The following SLC39A11 variants were observed in gnomAD, a reference collection of about 807,000 sequenced individuals.
SLC39A11 encodes the protein solute carrier family 39 member 11, also known as zinc transporter ZIP11.
SLC39A11 carries 33 observed loss-of-function variants against 36.1 expected under a neutral mutation model. The ratio of observed to expected loss-of-function variants is 0.91; its 90% CI spans 0.69 to 1.22. The LOEUF (loss-of-function observed/expected upper bound fraction) is 1.22, where lower values mean the gene tolerates loss of function less well. Among genes scored for constraint, SLC39A11 ranks in the 50% most tolerant of loss-of-function variants. The pLI is 0.00. For missense variants in SLC39A11, 432 were observed against 430.3 expected (o/e 1.00, Z -0.03); for synonymous variants, 166 against 170.3 (o/e 0.97, Z 0.20).
intron 4 of SLC39A11, among the ~76,000 whole-genome samples, chr17:72,965,700 A>G (rs1376448899): frequency 6.6e-6 from 1 of 152,230 alleles, no homozygotes; most frequent in Non-Finnish European, 1.5e-5. Flanking sequence ...GTCAAGGAGT[A>G]TCTCCAAAAG....
chr17:72,970,114 A>C (rs1296128811), intron 4 of SLC39A11, among the ~76,000 whole-genome samples: 2 of 152,226 alleles, frequency 1.3e-5, no homozygotes, highest in Admixed American at 1.3e-4. Flanking sequence ...TCATCTTTCA[A>C]CCGTTAAAAG....
chr17:72,772,717 A>G lies in SLC39A11; in HGVS notation c.602-35998T>C, dbSNP rs532447827. Among the ~76,000 whole-genome samples the G allele has an allele frequency of 9.2e-5, 14 of 152,362 alleles. No homozygotes were observed. In the South Asian group the frequency reaches 2.9e-3, roughly 32 times the overall value. ...CAGATGTGTGATAAATAAGTGCTGAACAAATAAAGAAATGAATGAGTGAAA... is the reference window on the plus strand; with the variant it reads ...CAGATGTGTGATAAATAAGTGCTGAGCAAATAAAGAAATGAATGAGTGAAA... On this transcript the variant is annotated intron_variant, in intron 6 of 9. Transcript: ENST00000255559.
intron 5 of SLC39A11, among the ~76,000 whole-genome samples, chr17:72,900,994 G>A (rs115787010): frequency 0.5 from 75,059 of 149,458 alleles, 19,108 homozygotes; most frequent in East Asian, 0.72. Flanking sequence ...AAAAAAACAC[G>A]AAAAAAAAAC....
intron 6 of SLC39A11, among the ~76,000 whole-genome samples, chr17:72,738,707 G>C (rs1039759163): frequency 2.6e-5 from 4 of 152,234 alleles, no homozygotes; most frequent in Non-Finnish European, 5.9e-5. Context: ...CACTGTTCAG[G>C]AGCAAGGCCA....
intron 4 of SLC39A11, among the ~76,000 whole-genome samples, chr17:72,977,248 C>T (rs1458830865): frequency 6.6e-6 from 1 of 152,146 alleles, no homozygotes; most frequent in Non-Finnish European, 1.5e-5. Context: ...GAGGCCCTGG[C>T]TAATAGCCAG....
At chr17:72,867,297 C>T (rs575435710) in intron 5 of SLC39A11, among the ~76,000 whole-genome samples, 3 of 152,098 alleles carry the variant, frequency 2.0e-5, no homozygotes, top group South Asian at 2.1e-4. Context: ...GTCAGGAGTT[C>T]GAGGCCAGCC....
rs375842716 is a variant in SLC39A11 at position 72,939,716 on chromosome 17, T to C, written c.430+8036A>G. On this transcript the variant is annotated intron_variant, in intron 5 of 9. Transcript: ENST00000255559. ...GCCAAAAGAAGTTAGAAAATTTCCC[T>C]AGAATTTTCGAGAGAGTGTGGCCCT... Among the ~76,000 whole-genome samples, 18 of 152,270 alleles carry C rather than the reference T, an allele frequency of 1.2e-4. No individual in the cohort carries two copies. In the East Asian group the frequency reaches 1.9e-3, roughly 16 times the overall value.
At chr17:72,755,582 AAAGTCAGGCAT>A (rs1292051126) in intron 6 of SLC39A11, among the ~76,000 whole-genome samples, 1 of 152,270 alleles carries the variant, frequency 6.6e-6, no homozygotes, top group Non-Finnish European at 1.5e-5. Flanking sequence ...TGGTAAATTT[AAAGTCAGGCAT>A]AAATGCCAAA....
At chr17:72,804,393 T>G (rs1340186218) in intron 6 of SLC39A11, among the ~76,000 whole-genome samples, 1 of 152,064 alleles carries the variant, frequency 6.6e-6, no homozygotes, top group Non-Finnish European at 1.5e-5. Flanking sequence ...GGAGCACACA[T>G]CCCTCTTCCC....
intron 5 of SLC39A11, among the ~76,000 whole-genome samples, chr17:72,910,458 T>C (rs2082919817): frequency 6.6e-6 from 1 of 151,828 alleles, no homozygotes; most frequent in Non-Finnish European, 1.5e-5. Flanking sequence ...ACCCCATCTC[T>C]ACTAAAAATA....
At chr17:72,719,833 A>G (rs1360814190) in intron 7 of SLC39A11, among the ~76,000 whole-genome samples, 1 of 152,128 alleles carries the variant, frequency 6.6e-6, no homozygotes, top group Admixed American at 6.5e-5. Context: ...GCAGTGGCAG[A>G]GGAGGAAAGG....
chr17:72,709,136 C>T (rs948580222), intron 7 of SLC39A11, among the ~76,000 whole-genome samples: 2 of 152,130 alleles, frequency 1.3e-5, no homozygotes, highest in African/African-American at 4.8e-5. Flanking sequence ...GACAGGGTTT[C>T]ACCATCTTAG....
rs184253170 is a variant in SLC39A11, at chr17:72,831,689, T to C, written c.601+17945A>G. Among the ~76,000 whole-genome samples, 28 of 152,368 alleles carry C rather than the reference T, an allele frequency of 1.8e-4. No homozygotes were observed. The East Asian group carries it at 5.2e-3, about 28-fold the overall frequency. The stretch of plus-strand genomic sequence containing the variant: ...TTTCATCCATGAGCTTTGAGTTCAT[T>C]TCTAATTAAATTTTTTCAGTAGCCC... On this transcript the variant is annotated intron_variant, in intron 6 of 9. Transcript: ENST00000255559.
At chr17:72,757,176 TAATA>T in intron 6 of SLC39A11, among the ~76,000 whole-genome samples, 1 of 151,170 alleles carries the variant, frequency 6.6e-6, no homozygotes, top group Middle Eastern at 3.4e-3. Flanking sequence ...AATAAATAAA[TAATA>T]AATAAAATAA....
At chr17:72,838,237 T>G in intron 6 of SLC39A11, 1 of 371,178 alleles carries the variant, frequency 2.7e-6, no homozygotes. Flanking sequence ...TTTTCTTTTT[T>G]TTTTTTTTTG....
At chr17:72,953,498 C>T (rs913884974) in intron 4 of SLC39A11, among the ~76,000 whole-genome samples, 4 of 152,160 alleles carry the variant, frequency 2.6e-5, no homozygotes, top group Non-Finnish European at 4.4e-5. Context: ...TGGGGCTGTG[C>T]AGTGTGGCCT....
At chr17:72,664,777 CTTCTT>C (rs1435257810) in intron 7 of SLC39A11, among the ~76,000 whole-genome samples, 3 of 152,224 alleles carry the variant, frequency 2.0e-5, no homozygotes, top group African/African-American at 4.8e-5. Flanking sequence ...CCTCCGTTCT[CTTCTT>C]CTCTTCTGAT....
rs56036208 is a variant in SLC39A11 at position 72,949,144 on chromosome 17, C to CTTTTTTTTTTTTTTTTTTTTTTTTTT, written c.307-1295_307-1270dup. Among the ~76,000 whole-genome samples the CTTTTTTTTTTTTTTTTTTTTTTTTTT allele has an allele frequency of 2.5e-4, 9 of 36,508 alleles. 3 individuals carry two copies. Among genetic ancestry groups the CTTTTTTTTTTTTTTTTTTTTTTTTTT allele is most frequent in the Admixed American group, 5.5e-4 (1 of 1,802 alleles). The allele number at this position is 36,508 out of a possible 152,430, so 24.0% of individuals were successfully genotyped here. ...AAATAAAATACCATACACTGGGCAG[C>CTTTTTTTTTTTTTTTTTTTTTTTTTT]TTTTTTTTTTTTTTTTTTTTTTTTT... is the stretch of plus-strand genomic sequence containing the variant. On this transcript the variant is annotated intron_variant, in intron 4 of 9. Transcript: ENST00000255559.
intron 6 of SLC39A11, among the ~76,000 whole-genome samples, chr17:72,740,272 A>C (rs1767381745): frequency 6.6e-6 from 1 of 151,874 alleles, no homozygotes; most frequent in African/African-American, 2.4e-5. Flanking sequence ...ACACCGTGTT[A>C]GCCAGGATGG....
Sources: gnomAD v4.1 joint callset for allele counts (sites outside exome capture counted in the v4.1 genomes callset) on GRCh38, gnomAD v4.1.1 for gene constraint, MANE v1.5 for transcripts, NCBI Gene and HGNC (gene_info 2026-07-23, HGNC 2026-07-21) for gene names.